The following TNNI3K variants were observed in gnomAD, a reference collection of about 807,000 sequenced individuals.
TNNI3K encodes TNNI3 interacting kinase, also known as serine/threonine-protein kinase TNNI3K.
TNNI3K carries 140 observed loss-of-function variants against 114.5 expected under a neutral mutation model. The ratio of observed to expected loss-of-function variants is 1.22; its 90% CI spans 1.07 to 1.41. The LOEUF is 1.41. TNNI3K is among the 40% of genes most tolerant of loss of function. TNNI3K has a pLI of 0.00. For missense variants in TNNI3K, 1,125 were observed against 1,007.6 expected (o/e 1.12, Z -1.58); for synonymous variants, 347 against 347.5 (o/e 1.00, Z 0.02).
At chr1:74,350,868 G>A (rs879284378) in intron 9 of TNNI3K, among the ~76,000 whole-genome samples, 11 of 152,008 alleles carry the variant, frequency 7.2e-5, no homozygotes, top group South Asian at 4.2e-4. Flanking sequence ...GTCTCTGCAC[G>A]TGAGATGGGT....
chr1:74,348,021 T>G (rs1257277178), intron 9 of TNNI3K, among the ~76,000 whole-genome samples: 1 of 152,218 alleles, frequency 6.6e-6, no homozygotes, highest in Non-Finnish European at 1.5e-5. Context: ...ATTTGTCAAT[T>G]TTGGCTTTTG....
At chr1:74,369,326 G>A in intron 15 of TNNI3K, 62 bp downstream of exon 15, 3 of 1,606,332 alleles carry the variant, frequency 1.9e-6, no homozygotes, top group South Asian at 1.1e-5. Flanking sequence ...AGAAGCATGT[G>A]CATGGCAAGC....
chr1:74,424,417 A>G (rs1665532639), intron 17 of TNNI3K, among the ~76,000 whole-genome samples: 2 of 152,086 alleles, frequency 1.3e-5, no homozygotes, highest in Non-Finnish European at 2.9e-5. Flanking sequence ...AATATTGATT[A>G]TAAAGAAGAG....
chr1:74,486,794 A>T (rs1031985900), intron 21 of TNNI3K, among the ~76,000 whole-genome samples: 1 of 152,136 alleles, frequency 6.6e-6, no homozygotes, highest in East Asian at 1.9e-4. Flanking sequence ...GAAGAAGCCA[A>T]TGAGCGCAGA....
intron 5 of TNNI3K, among the ~76,000 whole-genome samples, chr1:74,282,097 T>C (rs952553487): frequency 2.6e-5 from 4 of 152,228 alleles, no homozygotes; most frequent in East Asian, 3.9e-4. Context: ...TTTTGTATTA[T>C]GGCATTAGTT....
intron 5 of TNNI3K, among the ~76,000 whole-genome samples, chr1:74,293,952 G>A (rs537498944): frequency 1.3e-5 from 2 of 151,618 alleles, no homozygotes; most frequent in South Asian, 2.1e-4. Context: ...AGATCATTAT[G>A]TAATTTTCTT....
At chr1:74,433,572 C>T (rs1557562704) in intron 17 of TNNI3K, among the ~76,000 whole-genome samples, 3 of 152,254 alleles carry the variant, frequency 2.0e-5, no homozygotes, top group South Asian at 2.1e-4. Flanking sequence ...AAGTTGCTCT[C>T]ATTCTGCAAA....
chr1:74,288,327 G>A (rs955494202), intron 5 of TNNI3K, among the ~76,000 whole-genome samples: 10 of 152,042 alleles, frequency 6.6e-5, no homozygotes, highest in African/African-American at 2.4e-4. Flanking sequence ...ATTCACAATA[G>A]CCAAGATGTG....
chr1:74,342,079 C>T (rs1660773232), intron 7 of TNNI3K: 1 of 152,106 alleles, frequency 6.6e-6, no homozygotes, highest in Non-Finnish European at 1.5e-5. Context: ...TTTCTGTTCC[C>T]TAGCTGCAAA....
intron 23 of TNNI3K, among the ~76,000 whole-genome samples, chr1:74,504,126 G>A (rs1158430017): frequency 6.6e-6 from 1 of 152,162 alleles, no homozygotes; most frequent in Non-Finnish European, 1.5e-5. Flanking sequence ...ACATATACAC[G>A]AAAAGTGAAA....
At chr1:74,476,189 A>G (rs1307078765) in intron 21 of TNNI3K, among the ~76,000 whole-genome samples, 2 of 152,096 alleles carry the variant, frequency 1.3e-5, no homozygotes, top group Non-Finnish European at 2.9e-5. Flanking sequence ...CTAATCTCAG[A>G]CTGCCTGGTA....
chr1:74,373,933 A>G (rs1377658137), intron 17 of TNNI3K: 4 of 151,956 alleles, frequency 2.6e-5, no homozygotes, highest in Admixed American at 6.6e-5. Flanking sequence ...AGGACCTCTC[A>G]TGGATACCAA....
intron 17 of TNNI3K, among the ~76,000 whole-genome samples, chr1:74,385,281 T>A (rs555847420): frequency 6.6e-6 from 1 of 152,274 alleles, no homozygotes; most frequent in East Asian, 1.9e-4. Context: ...CTTTTTGGGG[T>A]GACAGAAATA....
intron 7 of TNNI3K, among the ~76,000 whole-genome samples, chr1:74,340,636 G>A (rs939066431): frequency 1.3e-5 from 2 of 152,256 alleles, no homozygotes; most frequent in South Asian, 2.1e-4. Flanking sequence ...TTCAATTGGC[G>A]AGGGATACTG....
chr1:74,281,967 A>G (rs1011802205), intron 5 of TNNI3K, among the ~76,000 whole-genome samples: 4 of 152,128 alleles, frequency 2.6e-5, no homozygotes, highest in Non-Finnish European at 4.4e-5. Flanking sequence ...TCATTTTTCA[A>G]TTGAATTATC....
chr1:74,539,706 T>G (rs1049718477), intron 23 of TNNI3K, among the ~76,000 whole-genome samples: 8 of 152,082 alleles, frequency 5.3e-5, no homozygotes, highest in African/African-American at 1.7e-4. Context: ...ATTGTTCCAG[T>G]GTCAGTTTTG....
chr1:74,398,185 C>T (rs1300931626), intron 17 of TNNI3K, among the ~76,000 whole-genome samples: 3 of 152,104 alleles, frequency 2.0e-5, no homozygotes, highest in Non-Finnish European at 4.4e-5. Context: ...TAGCCTAATC[C>T]CAGATATTCC....
rs552882675 is a variant in TNNI3K, at chr1:74,447,021, C to T, written c.2011+7399C>T. Among the ~76,000 whole-genome samples the T allele has an allele frequency of 3.4e-3, 443 of 129,556 alleles. 2 individuals are homozygous for T. Among genetic ancestry groups the T allele is most frequent in the Non-Finnish European group, 6.2e-3 (376 of 61,046 alleles). 85.0% of individuals were successfully genotyped at this position (129,556 alleles called of 152,430 possible). ...TTGGCTTAGGATTGACTTGGCGATG[C>T]GGGCTCTTTTTTGGTTCCATATGAA... On this transcript the variant is annotated intron_variant, in intron 20 of 24. Coordinates refer to ENST00000326637, the MANE Select transcript of TNNI3K (RefSeq NM_015978.3).
At chr1:74,275,496 C>A (rs7553863) in intron 5 of TNNI3K, among the ~76,000 whole-genome samples, 41 of 151,870 alleles carry the variant, frequency 2.7e-4, no homozygotes, top group Non-Finnish European at 4.6e-4. Flanking sequence ...AACACAGAGC[C>A]AAAGCATATC....
Sources: allele counts gnomAD v4.1 joint callset (sites outside exome capture counted in the v4.1 genomes callset), GRCh38; gene constraint gnomAD v4.1.1; transcripts MANE v1.5; gene names NCBI Gene and HGNC (gene_info 2026-07-23, HGNC 2026-07-21).